The following ANKS1B variants were observed in gnomAD, a reference collection of about 807,000 sequenced individuals.
ANKS1B encodes ankyrin repeat and sterile alpha motif domain-containing protein 1B.
ANKS1B carries 36 observed loss-of-function variants against 148.3 expected under a neutral mutation model. The observed-to-expected ratio is 0.24, with a 90% confidence interval of 0.19 to 0.32. The LOEUF is 0.32. Among genes scored for constraint, ANKS1B ranks in the 10% least tolerant of loss-of-function variants. The pLI is 1.00. For missense variants in ANKS1B, 1,157 were observed against 1,542.6 expected (o/e 0.75, Z 4.19); for synonymous variants, 542 against 560.8 (o/e 0.97, Z 0.47).
intron 19 of ANKS1B, 75 bp from the exon 20 acceptor site, chr12:98,807,993 G>A: frequency 4.5e-6 from 5 of 1,107,142 alleles, no homozygotes; most frequent in Non-Finnish European, 6.5e-6. Flanking sequence ...ATCCAGGAAG[G>A]AAAAGAGGAA....
chr12:99,102,830 T>C (rs1600063434), intron 15 of ANKS1B, among the ~76,000 whole-genome samples: 1 of 151,850 alleles, frequency 6.6e-6, no homozygotes, highest in East Asian at 1.9e-4. Context: ...GAGGCTGAGA[T>C]GGGAGGGAAA....
intron 9 of ANKS1B, among the ~76,000 whole-genome samples, chr12:99,616,290 C>T (rs2097959298): frequency 6.6e-6 from 1 of 152,110 alleles, no homozygotes; most frequent in Non-Finnish European, 1.5e-5. Flanking sequence ...GAAAAAACTA[C>T]TTTAAATTTC....
chr12:99,510,379 C>T (rs1341010941), intron 9 of ANKS1B, among the ~76,000 whole-genome samples: 6 of 151,906 alleles, frequency 3.9e-5, no homozygotes, highest in Admixed American at 3.3e-4. Context: ...CCATTCAGAA[C>T]ATTTGTGATT....
intron 12 of ANKS1B, among the ~76,000 whole-genome samples, chr12:99,332,887 G>A (rs148290413): frequency 7.0e-4 from 107 of 151,948 alleles, no homozygotes; most frequent in African/African-American, 2.5e-3. Flanking sequence ...TGAGGAGGGT[G>A]GATTGGGGTC....
intron 1 of ANKS1B, among the ~76,000 whole-genome samples, chr12:99,947,255 C>CAAAAAA (rs58317609): frequency 2.3e-5 from 3 of 129,060 alleles, no homozygotes; most frequent in Admixed American, 8.1e-5. Flanking sequence ...TAAAGTAATA[C>CAAAAAA]AAAAAAAAAA....
chr12:99,686,453 T>C (rs2098649863), intron 8 of ANKS1B, among the ~76,000 whole-genome samples: 1 of 152,194 alleles, frequency 6.6e-6, no homozygotes, highest in Non-Finnish European at 1.5e-5. Flanking sequence ...AGCTCACTGC[T>C]CATGCTGCTG....
intron 12 of ANKS1B, among the ~76,000 whole-genome samples, chr12:99,293,898 C>A (rs994163013): frequency 2.0e-5 from 3 of 152,150 alleles, no homozygotes; most frequent in African/African-American, 7.2e-5. Flanking sequence ...AGAAGACATA[C>A]AAACAGCAAG....
At position 99,856,594 on chromosome 12, in the gene ANKS1B, A is replaced by T. The variant is rs114499977; in HGVS notation, c.135-31205T>A. On this transcript the variant is annotated intron_variant, in intron 1 of 26. Coordinates refer to ENST00000683438, the MANE Select transcript of ANKS1B (RefSeq NM_001352186.2). Reference sequence around the variant, plus strand: ...GGAAGTAACAAAAAAAGAAAACTACAGACCAATAACCCTGATGAACACGGA... The same window carrying T: ...GGAAGTAACAAAAAAAGAAAACTACTGACCAATAACCCTGATGAACACGGA... Among the ~76,000 whole-genome samples, 1,210 of 152,304 alleles carry T rather than the reference A, an allele frequency of 7.9e-3. 14 individuals are homozygous for T. The highest frequency in any genetic ancestry group is 0.028 in the African/African-American group (1,145 of 41,568).
chr12:99,132,225 G>A (rs1285686448), intron 15 of ANKS1B, among the ~76,000 whole-genome samples: 1 of 152,214 alleles, frequency 6.6e-6, no homozygotes, highest in African/African-American at 2.4e-5. Flanking sequence ...AAGAAGCCAG[G>A]TGAGAAGCCC....
intron 1 of ANKS1B, among the ~76,000 whole-genome samples, chr12:99,942,668 T>C (rs914149692): frequency 1.3e-5 from 2 of 152,104 alleles, no homozygotes; most frequent in Admixed American, 1.3e-4. Flanking sequence ...ATGCATAAAA[T>C]ACTTGATGTA....
At chr12:98,880,425 T>C (rs958659699) in intron 17 of ANKS1B, among the ~76,000 whole-genome samples, 6 of 152,134 alleles carry the variant, frequency 3.9e-5, no homozygotes, top group African/African-American at 1.4e-4. Flanking sequence ...AATAAAAATA[T>C]AAATCAAACT....
At chr12:99,969,430 C>G (rs141212825) in intron 1 of ANKS1B, among the ~76,000 whole-genome samples, 1 of 152,122 alleles carries the variant, frequency 6.6e-6, no homozygotes, top group Non-Finnish European at 1.5e-5. Flanking sequence ...GCAATCCTCC[C>G]GCCTCAGCCT....
rs188203975 is a variant in ANKS1B, at chr12:99,189,212, C to A, written c.2420-34817G>T. ...GAGGCAGGAATGAATAGCCTACCAA[C>A]CAAAAAAAAGTCCAGGACCAAACGG... On this transcript the variant is annotated intron_variant, in intron 14 of 26. Transcript: ENST00000683438. Among the ~76,000 whole-genome samples the A allele has an allele frequency of 2.2e-4, 34 of 152,170 alleles. No homozygotes were observed. The East Asian group carries it at 5.4e-3, about 24-fold the overall frequency.
intron 9 of ANKS1B, among the ~76,000 whole-genome samples, chr12:99,554,802 G>A (rs1030388398): frequency 6.6e-6 from 1 of 152,154 alleles, no homozygotes; most frequent in Admixed American, 6.6e-5. Context: ...CATCCAGGTA[G>A]TGAACTTAAT....
At chr12:98,958,727 G>T (rs1487594965) in intron 17 of ANKS1B, among the ~76,000 whole-genome samples, 1 of 152,014 alleles carries the variant, frequency 6.6e-6, no homozygotes, top group African/African-American at 2.4e-5. Flanking sequence ...AATTTTAAAG[G>T]ATAAAATATG....
intron 14 of ANKS1B, among the ~76,000 whole-genome samples, chr12:99,242,005 C>A (rs548673081): frequency 6.6e-6 from 1 of 152,174 alleles, no homozygotes; most frequent in Admixed American, 6.5e-5. Flanking sequence ...GGGATGCCCT[C>A]TCTCACCACT....
At chr12:98,980,700 TTTTGGTTTTGGC>T (rs2099908715) in intron 17 of ANKS1B, among the ~76,000 whole-genome samples, 2 of 152,336 alleles carry the variant, frequency 1.3e-5, no homozygotes, top group South Asian at 4.1e-4. Context: ...AAAATATTAA[TTTTGGTTTTGGC>T]AGGAAGCCAA....
chr12:99,050,190 T>C (rs2099965061), intron 17 of ANKS1B, among the ~76,000 whole-genome samples: 1 of 152,234 alleles, frequency 6.6e-6, no homozygotes, highest in African/African-American at 2.4e-5. Flanking sequence ...TTAGTTGGGA[T>C]AAACAAGTCT....
In ANKS1B at chr12:98,832,667, G is replaced by C. The variant is rs1013827926; in HGVS notation, c.2779-531C>G. On this transcript the variant is annotated intron_variant, in intron 17 of 26. Transcript: ENST00000683438. ...ATAACCAGTGACTTCTCATGGTTCT[G>C]GACACTGTGCTGCTGATGTCTCCTC... Among the ~76,000 whole-genome samples, 3 of 152,008 alleles carry C rather than the reference G, an allele frequency of 2.0e-5. No homozygotes were observed. The East Asian group carries it at 5.8e-4, about 29-fold the overall frequency.
Sources: allele counts gnomAD v4.1 joint callset (sites outside exome capture counted in the v4.1 genomes callset), GRCh38; gene constraint gnomAD v4.1.1; transcripts MANE v1.5; gene names NCBI Gene and HGNC (gene_info 2026-07-23, HGNC 2026-07-21).